ADK: variants seen among roughly 807,000 people sequenced by gnomAD.
ADK encodes N6,N6-dimethyladenosine kinase.
ADK carries 24 observed loss-of-function variants against 44.7 expected under a neutral mutation model. The observed-to-expected ratio is 0.54, with a 90% CI of 0.39 to 0.76. The LOEUF is 0.76. Among genes scored for constraint, ADK ranks in the 30% least tolerant of loss-of-function variants. ADK has a pLI of 0.00. For missense variants in ADK, 321 were observed against 425.1 expected, an observed-to-expected ratio of 0.76 and a Z score of 2.15; for synonymous variants, 128 against 142.6, an observed-to-expected ratio of 0.90 and a Z score of 0.73.
chr10:74,542,571 A>G lies in ADK; in HGVS notation c.726+17145A>G, dbSNP rs887546606. 7.6e-4 allele frequency among the ~76,000 whole-genome samples: 115 copies of G among 152,226 alleles called. 1 individual carries two copies. Among genetic ancestry groups the G allele is most frequent in the Admixed American group, 5.9e-3 (90 of 15,288 alleles). On this transcript the variant is annotated intron_variant, in intron 7 of 10. Coordinates refer to ENST00000539909, the MANE Select transcript of ADK (RefSeq NM_006721.4). ...GGTTCTTAACATCAGAACTATATGA[A>G]AAGGTTTACTCAGTAGTGTCGCTCC...
chr10:74,200,626 C>G, intron 1 of ADK, 138 bp from the exon 2 acceptor site: 1 of 685,956 alleles, frequency 1.5e-6, no homozygotes, highest in Non-Finnish European at 2.6e-6. Flanking sequence ...GTATAATAGG[C>G]AAATCAAATG....
At chr10:74,548,898 A>G (rs1849931455) in intron 7 of ADK, among the ~76,000 whole-genome samples, 1 of 152,348 alleles carries the variant, frequency 6.6e-6, no homozygotes, top group South Asian at 2.1e-4. Flanking sequence ...TAAAATTTCC[A>G]TGAAAGTGGA....
chr10:74,423,507 C>A, intron 6 of ADK: 1 of 199,328 alleles, frequency 5.0e-6, no homozygotes, highest in South Asian at 7.3e-5. Context: ...CCTGGAGCAC[C>A]AGGTGCACTC....
intron 6 of ADK, among the ~76,000 whole-genome samples, chr10:74,412,253 G>A (rs888940320): frequency 3.9e-5 from 6 of 152,026 alleles, no homozygotes; most frequent in African/African-American, 1.2e-4. Context: ...AACAATCACT[G>A]CACATTGCAG....
At chr10:74,417,763 A>G (rs1844422972) in intron 6 of ADK, among the ~76,000 whole-genome samples, 1 of 151,688 alleles carries the variant, frequency 6.6e-6, no homozygotes, top group African/African-American at 2.4e-5. Context: ...AAAAAAAAAA[A>G]GCAAAATATC....
At chr10:74,230,596 T>C (rs1844722609) in intron 3 of ADK, among the ~76,000 whole-genome samples, 1 of 151,986 alleles carries the variant, frequency 6.6e-6, no homozygotes, top group African/African-American at 2.4e-5. Flanking sequence ...CTCAGGTTGG[T>C]CTCAAACTCC....
rs1171931744 is a variant in ADK, at chr10:74,406,523, TAATAAGAAGAAGAAGAAG to T, written c.555+7947_555+7964del. On this transcript the variant is annotated intron_variant, in intron 6 of 10. Transcript: ENST00000539909. ...CCGATTAAAATAATAATAATAATAA[TAATAAGAAGAAGAAGAAG>T]AAGAAGAAGAAGAAGAAGAAGAAGA... Among the ~76,000 whole-genome samples the T allele has an allele frequency of 9.2e-3, 515 of 56,112 alleles. 3 individuals are homozygous for T. Among genetic ancestry groups the T allele is most frequent in the African/African-American group, 0.027 (471 of 17,646 alleles). 36.8% of individuals were successfully genotyped at this position (56,112 alleles called of 152,430 possible).
chr10:74,332,348 C>T lies in ADK; in HGVS notation c.273+17603C>T, dbSNP rs1841247089. Among the ~76,000 whole-genome samples, 2 of 152,182 alleles carry T rather than the reference C, an allele frequency of 1.3e-5. 1 individual carries two copies. On this transcript the variant is annotated intron_variant, in intron 4 of 10. Coordinates refer to ENST00000539909, the MANE Select transcript of ADK (RefSeq NM_006721.4). ...TTCTGTACAAAGTTTACTCACATTTCTATGTCTAGCCATAGCTATTCTAAG... is the reference window on the plus strand; with the variant it reads ...TTCTGTACAAAGTTTACTCACATTTTTATGTCTAGCCATAGCTATTCTAAG...
chr10:74,585,821 C>T lies in ADK; in HGVS notation c.727-3461C>T, dbSNP rs528975974. Among the ~76,000 whole-genome samples, 214 of 152,344 alleles carry T rather than the reference C, an allele frequency of 1.4e-3. 2 individuals carry two copies. The highest frequency in any genetic ancestry group is 5.0e-3 in the African/African-American group (207 of 41,586). ...TAGATTTGTGAAACTCAGTACGAGGCGCCCTGGGGCAGCACAGATGGGGAC... is the reference window on the plus strand; with the variant it reads ...TAGATTTGTGAAACTCAGTACGAGGTGCCCTGGGGCAGCACAGATGGGGAC... On this transcript the variant is annotated intron_variant, in intron 7 of 10. Coordinates refer to ENST00000539909, the MANE Select transcript of ADK (RefSeq NM_006721.4).
At chr10:74,543,491 A>G (rs1047253149) in intron 7 of ADK, among the ~76,000 whole-genome samples, 4 of 152,220 alleles carry the variant, frequency 2.6e-5, no homozygotes, top group African/African-American at 7.2e-5. Context: ...TTGTTCATAC[A>G]TATTTCTTGG....
At chr10:74,616,961 A>G (rs2134014451) in intron 9 of ADK, among the ~76,000 whole-genome samples, 2 of 152,038 alleles carry the variant, frequency 1.3e-5, no homozygotes, top group South Asian at 4.2e-4. Flanking sequence ...TTTCGATGCT[A>G]TCTATTTTTA....
At chr10:74,324,930 G>A (rs778175420) in intron 4 of ADK, among the ~76,000 whole-genome samples, 4 of 152,128 alleles carry the variant, frequency 2.6e-5, no homozygotes, top group Non-Finnish European at 4.4e-5. Context: ...AAGTCAGATA[G>A]CATGATGTGT....
At chr10:74,199,904 T>G (rs1047358800) in intron 1 of ADK, among the ~76,000 whole-genome samples, 3 of 152,028 alleles carry the variant, frequency 2.0e-5, no homozygotes, top group Admixed American at 2.0e-4. Flanking sequence ...GGTCTTGATC[T>G]GCTGACCTCA....
intron 9 of ADK, among the ~76,000 whole-genome samples, chr10:74,618,781 T>C (rs1290074903): frequency 3.9e-5 from 6 of 152,186 alleles, no homozygotes; most frequent in Admixed American, 3.9e-4. Flanking sequence ...TTATTTTCTC[T>C]AGCTGCTTTT....
chr10:74,273,095 T>A (rs1050608462), intron 3 of ADK, among the ~76,000 whole-genome samples: 1 of 151,924 alleles, frequency 6.6e-6, no homozygotes, highest in Admixed American at 6.6e-5. Flanking sequence ...TGATCCTCCT[T>A]CAAGGAAGAA....
intron 3 of ADK, among the ~76,000 whole-genome samples, chr10:74,306,951 G>T (rs553184488): frequency 6.6e-6 from 1 of 152,292 alleles, no homozygotes; most frequent in African/African-American, 2.4e-5. Flanking sequence ...TAGGTTTTCA[G>T]TTTCCAATGT....
At chr10:74,288,057 A>T (rs1847258338) in intron 3 of ADK, among the ~76,000 whole-genome samples, 2 of 151,720 alleles carry the variant, frequency 1.3e-5, no homozygotes, top group Non-Finnish European at 1.5e-5. Context: ...ATGCCATGTT[A>T]TGTGTCTTTA....
At chr10:74,703,428 G>T (rs1856502296) in intron 10 of ADK, among the ~76,000 whole-genome samples, 1 of 152,038 alleles carries the variant, frequency 6.6e-6, no homozygotes, top group Non-Finnish European at 1.5e-5. Flanking sequence ...GCTGCAGTGA[G>T]CCAAAAAAAA....
At chr10:74,614,261 A>G (rs1246320655) in intron 9 of ADK, among the ~76,000 whole-genome samples, 2 of 152,106 alleles carry the variant, frequency 1.3e-5, no homozygotes, top group African/African-American at 4.8e-5. Context: ...ATAAGAGGCA[A>G]CCTATCCTAA....
Sources: gnomAD v4.1 joint callset for allele counts (sites outside exome capture counted in the v4.1 genomes callset) on GRCh38, gnomAD v4.1.1 for gene constraint, MANE v1.5 for transcripts, NCBI Gene and HGNC (gene_info 2026-07-23, HGNC 2026-07-21) for gene names.